Variants in ZBTB20 observed in about 807,000 individuals in gnomAD.
ZBTB20 encodes the protein zinc finger and BTB domain-containing protein 20.
In ZBTB20, 9 loss-of-function variants were observed where a neutral mutation model predicts 56.9. The observed-to-expected ratio is 0.16, with a 90% CI of 0.10 to 0.28. The LOEUF is 0.28. Ranked by LOEUF, ZBTB20 falls within the 10% of genes least tolerant of loss-of-function variation. The probability of loss-of-function intolerance (pLI) is 1.00; values close to 1 mark genes in which losing one functional copy is unlikely to be tolerated. For synonymous variants in ZBTB20, 417 were observed against 420.7 expected (o/e 0.99, Z 0.11); for missense variants, 655 against 1,003.0 (o/e 0.65, Z 4.69).
At chr3:114,460,322 C>T (rs900997433) in intron 7 of ZBTB20, among the ~76,000 whole-genome samples, 2 of 152,052 alleles carry the variant, frequency 1.3e-5, no homozygotes, top group African/African-American at 4.8e-5. Flanking sequence ...ATGTCCTAAT[C>T]CCCAGAACCT....
intron 6 of ZBTB20, among the ~76,000 whole-genome samples, chr3:114,603,895 A>G (rs2056948276): frequency 6.6e-6 from 1 of 152,030 alleles, no homozygotes. Context: ...TTAACCAAGC[A>G]CTATTTTATA....
chr3:115,046,792 C>T (rs144008572), intron 2 of ZBTB20, among the ~76,000 whole-genome samples: 5 of 152,226 alleles, frequency 3.3e-5, no homozygotes, highest in East Asian at 1.9e-4. Flanking sequence ...ATGACACTTT[C>T]GCAGTCAACA....
chr3:114,837,443 T>C (rs891665125), intron 4 of ZBTB20, among the ~76,000 whole-genome samples: 6 of 152,164 alleles, frequency 3.9e-5, no homozygotes, highest in African/African-American at 1.2e-4. Context: ...GGGCTCAGTA[T>C]AGGTAGGTGC....
rs12487643 is a variant in ZBTB20 at position 114,557,386 on chromosome 3, A to G, written c.-294-56995T>C. Among the ~76,000 whole-genome samples the G allele has an allele frequency of 6.1e-4, 93 of 152,136 alleles. 1 individual carries two copies. Among genetic ancestry groups the G allele is most frequent in the Admixed American group, 6.0e-3 (91 of 15,262 alleles). On this transcript the variant is annotated intron_variant, in intron 6 of 11. Transcript: ENST00000675478. ...TTCAACTCCCATTTACAAAAATACA[A>G]CCAACAATAACCAGTTCTTAAGCCT...
intron 11 of ZBTB20, among the ~76,000 whole-genome samples, chr3:114,346,991 C>T (rs2080239612): frequency 6.7e-6 from 1 of 148,918 alleles, no homozygotes; most frequent in Non-Finnish European, 1.5e-5. Flanking sequence ...TGGCCCCAAA[C>T]ACTTTCTTTC....
At chr3:114,664,129 C>T (rs886066535) in intron 6 of ZBTB20, among the ~76,000 whole-genome samples, 1 of 152,000 alleles carries the variant, frequency 6.6e-6, no homozygotes, top group Non-Finnish European at 1.5e-5. Flanking sequence ...TGTATCTAGA[C>T]AATTAATCTG....
intron 2 of ZBTB20, among the ~76,000 whole-genome samples, chr3:114,988,707 A>G (rs1260065062): frequency 6.6e-6 from 1 of 152,164 alleles, no homozygotes; most frequent in East Asian, 1.9e-4. Flanking sequence ...ACTAGTTTAC[A>G]GTCCCACCAA....
At chr3:114,787,368 TACACACACACACACACACACAC>T (rs1300106922) in intron 5 of ZBTB20, among the ~76,000 whole-genome samples, 7 of 106,254 alleles carry the variant, frequency 6.6e-5, no homozygotes, top group South Asian at 2.7e-4. Flanking sequence ...TATATATATA[TACACACACACACACACACACAC>T]ACATATATAT....
intron 6 of ZBTB20, among the ~76,000 whole-genome samples, chr3:114,639,558 A>G (rs1312522576): frequency 1.4e-4 from 21 of 152,090 alleles, no homozygotes; most frequent in Admixed American, 1.3e-3. Flanking sequence ...ACCTTAAATA[A>G]AAGTTTAAAT....
At chr3:114,691,760 T>C (rs1418536369) in intron 6 of ZBTB20, among the ~76,000 whole-genome samples, 1 of 152,116 alleles carries the variant, frequency 6.6e-6, no homozygotes, top group Non-Finnish European at 1.5e-5. Flanking sequence ...TAAGGAAATA[T>C]ATCAAATGGT....
chr3:114,996,302 C>T (rs2079024156), intron 2 of ZBTB20, among the ~76,000 whole-genome samples: 1 of 151,790 alleles, frequency 6.6e-6, no homozygotes, highest in Non-Finnish European at 1.5e-5. Flanking sequence ...TGGCTTGCTG[C>T]ACCCATCAAC....
intron 6 of ZBTB20, among the ~76,000 whole-genome samples, chr3:114,596,935 A>C (rs1277094162): frequency 6.6e-6 from 1 of 152,188 alleles, no homozygotes; most frequent in Admixed American, 6.6e-5. Context: ...TGGTATTTTA[A>C]AAGTTAAGGG....
At chr3:114,738,980 A>AC (rs1226537649) in intron 5 of ZBTB20, among the ~76,000 whole-genome samples, 2 of 152,168 alleles carry the variant, frequency 1.3e-5, no homozygotes, top group African/African-American at 4.8e-5. Flanking sequence ...GTTTGATCTC[A>AC]AGGGCATCAG....
chr3:114,460,410 G>C (rs1314566452), intron 7 of ZBTB20, among the ~76,000 whole-genome samples: 2 of 152,048 alleles, frequency 1.3e-5, no homozygotes, highest in Non-Finnish European at 2.9e-5. Flanking sequence ...AGATTATCCT[G>C]GATTTTCTAG....
At chr3:114,850,192 G>A (rs1438186849) in intron 4 of ZBTB20, among the ~76,000 whole-genome samples, 7 of 152,114 alleles carry the variant, frequency 4.6e-5, no homozygotes, top group East Asian at 1.9e-4. Context: ...GAGCCACTGC[G>A]CCCGGCCAAA....
intron 4 of ZBTB20, among the ~76,000 whole-genome samples, chr3:114,844,269 G>A (rs1362465091): frequency 1.4e-5 from 2 of 145,470 alleles, no homozygotes; most frequent in Non-Finnish European, 3.0e-5. Flanking sequence ...TCTAGGAAAT[G>A]TAAGCTACTG....
chr3:114,349,561 C>T (rs1013836173), intron 11 of ZBTB20, among the ~76,000 whole-genome samples: 1 of 152,182 alleles, frequency 6.6e-6, no homozygotes, highest in Non-Finnish European at 1.5e-5. Context: ...GGCAGTCTAT[C>T]TGATATTAGA....
intron 7 of ZBTB20, among the ~76,000 whole-genome samples, chr3:114,456,392 C>T (rs1360721118): frequency 1.3e-5 from 2 of 152,138 alleles, no homozygotes; most frequent in Non-Finnish European, 1.5e-5. Context: ...AGACCTCACC[C>T]TGAATTTACA....
chr3:114,768,019 A>G (rs2068905237), intron 5 of ZBTB20, among the ~76,000 whole-genome samples: 1 of 152,166 alleles, frequency 6.6e-6, no homozygotes, highest in Non-Finnish European at 1.5e-5. Flanking sequence ...AAGGGCTTAT[A>G]TAAACTCTGA....
Sources: allele counts gnomAD v4.1 joint callset (sites outside exome capture counted in the v4.1 genomes callset), GRCh38; gene constraint gnomAD v4.1.1; transcripts MANE v1.5; gene names NCBI Gene and HGNC (gene_info 2026-07-23, HGNC 2026-07-21).